Variants in LRP1B observed in about 807,000 individuals in gnomAD.
The protein encoded by LRP1B is low-density lipoprotein receptor-related protein 1B.
Under a neutral mutation model 556.6 loss-of-function variants are expected in LRP1B, and 217 were observed. That is an observed-to-expected ratio of 0.39 (90% CI 0.35 to 0.44). The LOEUF is 0.44. Ranked by LOEUF, LRP1B falls within the 20% of genes least tolerant of loss-of-function variation. LRP1B has a pLI of 1.00. For missense variants in LRP1B, 5,053 were observed against 5,620.8 expected (o/e 0.90, Z 3.23); for synonymous variants, 2,047 against 1,865.8 (o/e 1.10, Z -2.50).
intron 41 of LRP1B, among the ~76,000 whole-genome samples, chr2:140,635,421 C>T (rs2105286165): frequency 6.6e-6 from 1 of 151,782 alleles, no homozygotes; most frequent in South Asian, 2.1e-4. Context: ...AGTACTAGGG[C>T]TGTAAGTTAA....
At chr2:140,640,694 T>C (rs1684263513) in intron 41 of LRP1B, among the ~76,000 whole-genome samples, 2 of 152,134 alleles carry the variant, frequency 1.3e-5, no homozygotes, top group African/African-American at 4.8e-5. Context: ...CCTTGTCCTA[T>C]TTTCTTTTGC....
At chr2:140,286,344 G>A (rs1486969) in intron 84 of LRP1B, among the ~76,000 whole-genome samples, 136,608 of 151,764 alleles carry the variant, frequency 0.9, 62,109 homozygotes, top group Non-Finnish European at 0.96. Flanking sequence ...AGATGGAGGA[G>A]TAAAAGAGGG....
intron 2 of LRP1B, among the ~76,000 whole-genome samples, chr2:141,490,265 G>A (rs192446386): frequency 1.3e-4 from 20 of 152,102 alleles, no homozygotes; most frequent in African/African-American, 4.6e-4. Context: ...CCAAAGTACC[G>A]ATGGTATGTA....
chr2:141,844,703 A>G (rs1414638396), intron 1 of LRP1B, among the ~76,000 whole-genome samples: 1 of 152,092 alleles, frequency 6.6e-6, no homozygotes, highest in Admixed American at 6.6e-5. Context: ...GTGTTCAAAT[A>G]TATCAGTTCA....
intron 2 of LRP1B, among the ~76,000 whole-genome samples, chr2:141,492,311 A>C (rs1024439813): frequency 6.6e-6 from 1 of 152,124 alleles, no homozygotes; most frequent in Non-Finnish European, 1.5e-5. Flanking sequence ...TTTTTATTTT[A>C]TAGATCTCCC....
intron 18 of LRP1B, among the ~76,000 whole-genome samples, chr2:140,962,725 C>T (rs905904801): frequency 2.0e-5 from 3 of 152,126 alleles, no homozygotes; most frequent in East Asian, 1.9e-4. Flanking sequence ...CTCTACTGTG[C>T]GGGATATCAA....
chr2:141,256,159 T>C (rs957362248), intron 3 of LRP1B, among the ~76,000 whole-genome samples: 1 of 151,996 alleles, frequency 6.6e-6, no homozygotes, highest in African/African-American at 2.4e-5. Context: ...AGAAGCTGAA[T>C]ATGCAGGAAG....
intron 7 of LRP1B, among the ~76,000 whole-genome samples, chr2:141,175,708 C>A (rs1680703431): frequency 6.6e-6 from 1 of 152,112 alleles, no homozygotes; most frequent in African/African-American, 2.4e-5. Context: ...CCCACTGGGG[C>A]ACTCCCTAGT....
chr2:140,284,155 T>TTAACATATACTGTGTTAGTA (rs1558770082), intron 84 of LRP1B, among the ~76,000 whole-genome samples: 1 of 151,726 alleles, frequency 6.6e-6, no homozygotes, highest in East Asian at 1.9e-4. Flanking sequence ...ATACAATTAA[T>TTAACATATACTGTGTTAGTA]TAACATATAC....
chr2:140,517,664 A>C (rs1485851), intron 49 of LRP1B, among the ~76,000 whole-genome samples: 8 of 148,560 alleles, frequency 5.4e-5, no homozygotes, highest in Non-Finnish European at 1.0e-4. Context: ...TATTATCATT[A>C]TTTTAACCTT....
At chr2:141,278,721 A>G (rs990577740) in intron 3 of LRP1B, among the ~76,000 whole-genome samples, 7 of 152,292 alleles carry the variant, frequency 4.6e-5, no homozygotes, top group African/African-American at 1.4e-4. Context: ...TAGGCTTCAC[A>G]ATTCCATACA....
At position 141,300,912 on chromosome 2, in the gene LRP1B, T is replaced by C. The variant is rs1213382456; in HGVS notation, c.344-46271A>G. Among the ~76,000 whole-genome samples the C allele has an allele frequency of 5.3e-5, 8 of 152,122 alleles. 1 individual carries two copies. The highest frequency in any genetic ancestry group is 1.5e-5 in the Non-Finnish European group (1 of 68,030). ...CCTCAGGTGTTGAGAGAATGAACAG[T>C]GTTATATGATGTCTGGAAAAAGAAT... On this transcript the variant is annotated intron_variant, in intron 3 of 90. Coordinates refer to ENST00000389484, the MANE Select transcript of LRP1B (RefSeq NM_018557.3).
At chr2:141,445,622 G>T (rs1036164474) in intron 3 of LRP1B, among the ~76,000 whole-genome samples, 1 of 152,130 alleles carries the variant, frequency 6.6e-6, no homozygotes, top group Non-Finnish European at 1.5e-5. Flanking sequence ...GGTATGTTGT[G>T]TCTTTGTTCT....
chr2:141,288,864 T>C (rs576933677), intron 3 of LRP1B, among the ~76,000 whole-genome samples: 13 of 152,146 alleles, frequency 8.5e-5, no homozygotes, highest in Admixed American at 4.6e-4. Context: ...ACCTAGAGAA[T>C]AGCGATCCCT....
intron 41 of LRP1B, among the ~76,000 whole-genome samples, chr2:140,647,019 G>A (rs978482431): frequency 2.0e-5 from 3 of 151,876 alleles, no homozygotes; most frequent in African/African-American, 7.3e-5. Flanking sequence ...TTATACTCTA[G>A]AGAAATATAA....
chr2:140,559,613 A>G (rs1680856920), intron 43 of LRP1B, among the ~76,000 whole-genome samples: 1 of 152,156 alleles, frequency 6.6e-6, no homozygotes, highest in Admixed American at 6.6e-5. Context: ...CTGACGAGGC[A>G]TGTCAAGAGA....
At chr2:141,058,856 A>C (rs1699258406) in intron 9 of LRP1B, 27 bp downstream of exon 9, 1 of 1,544,678 alleles carries the variant, frequency 6.5e-7, no homozygotes, top group East Asian at 2.3e-5. Flanking sequence ...ACCATTAGGA[A>C]GGTAATAAAG....
intron 8 of LRP1B, 69 bp from the exon 9 acceptor site, chr2:141,059,123 T>G: frequency 4.0e-6 from 4 of 1,002,484 alleles, no homozygotes; most frequent in Non-Finnish European, 5.6e-6. Flanking sequence ...AAAAGCTGAT[T>G]GCTATTTACT....
chr2:140,733,762 A>T (rs988461517), intron 35 of LRP1B, among the ~76,000 whole-genome samples: 1 of 152,168 alleles, frequency 6.6e-6, no homozygotes, highest in African/African-American at 2.4e-5. Flanking sequence ...TAGTCCATTT[A>T]TTGTTATTTA....
Sources: allele counts gnomAD v4.1 joint callset (sites outside exome capture counted in the v4.1 genomes callset), GRCh38; gene constraint gnomAD v4.1.1; transcripts MANE v1.5; gene names NCBI Gene and HGNC (gene_info 2026-07-23, HGNC 2026-07-21).